Variants in DIAPH2 observed in about 807,000 individuals in gnomAD.
DIAPH2 encodes protein diaphanous homolog 2.
DIAPH2 carries 35 observed loss-of-function variants against 92.7 expected under a neutral mutation model. That is an observed-to-expected ratio of 0.38 (90% CI 0.29 to 0.50). The LOEUF (loss-of-function observed/expected upper bound fraction) is 0.50, where lower values mean the gene tolerates loss of function less well. Among genes scored for constraint, DIAPH2 ranks in the 20% least tolerant of loss-of-function variants. DIAPH2 has a pLI of 0.94. For missense variants in DIAPH2, 701 were observed against 819.5 expected (o/e 0.86, Z 1.77); for synonymous variants, 301 against 280.4 (o/e 1.07, Z -0.73).
At chrX:97,499,258 G>A (rs765576234) in intron 26 of DIAPH2, among the ~76,000 whole-genome samples, 1 of 111,856 alleles carries the variant, frequency 8.9e-6, no homozygotes, top group Non-Finnish European at 1.9e-5. Context: ...TATATCTCTG[G>A]ATGTAGGGTC....
At chrX:97,052,010 C>A (rs1408302908) in intron 17 of DIAPH2, among the ~76,000 whole-genome samples, 1 of 111,611 alleles carries the variant, frequency 9.0e-6, no homozygotes, top group Non-Finnish European at 1.9e-5. Flanking sequence ...ACAAAAGATA[C>A]TTTGCTAAGT....
chrX:97,263,672 C>T lies in DIAPH2; in HGVS notation c.2844+15833C>T, dbSNP rs775247839. Among the ~76,000 whole-genome samples, 8 of 108,997 alleles carry T rather than the reference C, an allele frequency of 7.3e-5. 1 individual carries two copies. The South Asian group carries it at 2.3e-3, about 32-fold the overall frequency. 94.7% of individuals were successfully genotyped at this position (108,997 alleles called of 115,157 possible). On this transcript the variant is annotated intron_variant, in intron 23 of 26. Transcript: ENST00000324765. Reference sequence around the variant, plus strand: ...CACAATCTCAGCTCACTGCAACCTCCGCCTCCTGGGCTAAAGCGATTTTCC... The same window carrying T: ...CACAATCTCAGCTCACTGCAACCTCTGCCTCCTGGGCTAAAGCGATTTTCC...
At chrX:96,893,893 C>T (rs1470664136) in intron 5 of DIAPH2, among the ~76,000 whole-genome samples, 1 of 111,791 alleles carries the variant, frequency 8.9e-6, no homozygotes, top group African/African-American at 3.2e-5. Flanking sequence ...CCCAGCTGTT[C>T]GACTGGTGGT....
chrX:97,000,175 G>A (rs757735048), intron 17 of DIAPH2, among the ~76,000 whole-genome samples: 1 of 111,747 alleles, frequency 8.9e-6, no homozygotes, highest in Non-Finnish European at 1.9e-5. Flanking sequence ...AGTCACACTC[G>A]AGAATGGAAG....
intron 22 of DIAPH2, among the ~76,000 whole-genome samples, chrX:97,198,265 TAC>T (rs200339851): frequency 0.022 from 1,919 of 88,920 alleles, 33 homozygotes; most frequent in East Asian, 0.092. Flanking sequence ...AACAACAAAA[TAC>T]ACACACACAC....
intron 22 of DIAPH2, among the ~76,000 whole-genome samples, chrX:97,187,687 A>G (rs1201887961): frequency 1.8e-5 from 2 of 111,233 alleles, no homozygotes; most frequent in Non-Finnish European, 3.8e-5. Flanking sequence ...ATGATAAAAT[A>G]TAAGAGACTG....
intron 24 of DIAPH2, among the ~76,000 whole-genome samples, chrX:97,383,323 C>T (rs1377328730): frequency 9.0e-6 from 1 of 110,775 alleles, no homozygotes; most frequent in Admixed American, 9.8e-5. Context: ...ACCATCATCG[C>T]CATCATAGAC....
chrX:97,256,795 G>T (rs2068240052), intron 23 of DIAPH2, among the ~76,000 whole-genome samples: 1 of 111,211 alleles, frequency 9.0e-6, no homozygotes, highest in South Asian at 3.8e-4. Flanking sequence ...CTCCCGAGTA[G>T]CTGGGACTAC....
intron 21 of DIAPH2, among the ~76,000 whole-genome samples, chrX:97,135,268 G>A (rs754601346): frequency 4.5e-5 from 5 of 110,993 alleles, no homozygotes; most frequent in African/African-American, 1.6e-4. Flanking sequence ...GCGCAATCTC[G>A]GCTCACTGCA....
intron 22 of DIAPH2, among the ~76,000 whole-genome samples, chrX:97,143,960 G>A (rs1444899222): frequency 8.9e-6 from 1 of 112,050 alleles, no homozygotes; most frequent in African/African-American, 3.2e-5. Flanking sequence ...CATAGAGATA[G>A]AGCGTAGATT....
At chrX:96,689,375 C>T (rs949309783) in intron 1 of DIAPH2, among the ~76,000 whole-genome samples, 2 of 106,282 alleles carry the variant, frequency 1.9e-5, no homozygotes, top group Admixed American at 1.0e-4. Context: ...AAAAAAAGTA[C>T]TTTGGAGAAT....
chrX:96,692,225 T>A (rs2063801513), intron 1 of DIAPH2, among the ~76,000 whole-genome samples: 1 of 111,938 alleles, frequency 8.9e-6, no homozygotes, highest in African/African-American at 3.2e-5. Context: ...TTTTGCAACA[T>A]TTGCTTGATC....
intron 22 of DIAPH2, among the ~76,000 whole-genome samples, chrX:97,219,602 T>A (rs1007561199): frequency 1.8e-5 from 2 of 112,172 alleles, no homozygotes; most frequent in African/African-American, 6.5e-5. Context: ...ATCTTAATTC[T>A]TAGGAATTCT....
At chrX:96,930,912 T>A in intron 10 of DIAPH2, 69 bp downstream of exon 10, 1 of 1,061,203 alleles carries the variant, frequency 9.4e-7, no homozygotes, top group South Asian at 2.6e-5. Context: ...CAAAAGTACT[T>A]GAAGCAGAGT....
chrX:97,156,215 C>T (rs763417473), intron 22 of DIAPH2, among the ~76,000 whole-genome samples: 56 of 112,041 alleles, frequency 5.0e-4, no homozygotes, highest in African/African-American at 1.0e-3. Flanking sequence ...TAAACTCCAT[C>T]GGCATGTAGA....
At chrX:97,196,983 A>C (rs2147488522) in intron 22 of DIAPH2, among the ~76,000 whole-genome samples, 1 of 110,484 alleles carries the variant, frequency 9.1e-6, no homozygotes, top group South Asian at 3.8e-4. Flanking sequence ...ATGGGGTTTC[A>C]CCATGTTGGT....
chrX:96,873,179 A>G (rs764136423), intron 4 of DIAPH2, among the ~76,000 whole-genome samples: 3 of 111,771 alleles, frequency 2.7e-5, no homozygotes, highest in African/African-American at 9.8e-5. Context: ...CCAACAATGC[A>G]TGATGTTGAG....
At chrX:97,076,511 A>G (rs1232157944) in intron 19 of DIAPH2, among the ~76,000 whole-genome samples, 1 of 111,586 alleles carries the variant, frequency 9.0e-6, no homozygotes, top group Non-Finnish European at 1.9e-5. Context: ...TAGCCTGGAG[A>G]CAGAGCGAGA....
intron 26 of DIAPH2, among the ~76,000 whole-genome samples, chrX:97,543,200 G>C (rs767909351): frequency 8.9e-6 from 1 of 111,915 alleles, no homozygotes; most frequent in East Asian, 2.8e-4. Flanking sequence ...CAAATTTCAT[G>C]GCTTCTCCAG....
Sources: gnomAD v4.1 joint callset for allele counts (sites outside exome capture counted in the v4.1 genomes callset) on GRCh38, gnomAD v4.1.1 for gene constraint, MANE v1.5 for transcripts, NCBI Gene and HGNC (gene_info 2026-07-23, HGNC 2026-07-21) for gene names.